SRSF11: variants seen among roughly 807,000 people sequenced by gnomAD.
SRSF11 encodes serine/arginine-rich splicing factor 11.
A neutral mutation model predicts 56.0 loss-of-function variants in SRSF11; 9 were observed. The ratio of observed to expected loss-of-function variants is 0.16; its 90% CI spans 0.10 to 0.28. The LOEUF is 0.28. SRSF11 is among the 10% of genes least tolerant of loss of function. SRSF11 has a pLI of 1.00. For synonymous variants in SRSF11, 222 were observed against 215.3 expected (o/e 1.03, Z -0.27); for missense variants, 421 against 600.7 (o/e 0.70, Z 3.13).
At chr1:70,218,136 G>GT (rs1193748192), upstream of SRSF11, among the ~76,000 whole-genome samples, 1 of 151,918 alleles carries the variant, frequency 6.6e-6, no homozygotes, top group Non-Finnish European at 1.5e-5. Context: ...AGCTAATTTT[G>GT]TTTTTGTATT....
chr1:70,240,248 A>G (rs888517350), intron 7 of SRSF11, among the ~76,000 whole-genome samples: 1 of 152,208 alleles, frequency 6.6e-6, no homozygotes, highest in Non-Finnish European at 1.5e-5. Context: ...CTGAAGGGGG[A>G]TTTAATAAAA....
At chr1:70,232,085 T>C (rs760374050) in intron 2 of SRSF11, 183 bp from the exon 3 acceptor site, 1 of 1,542,530 alleles carries the variant, frequency 6.5e-7, no homozygotes, top group South Asian at 1.2e-5. Flanking sequence ...TTTTCACACA[T>C]TGAAGTTCAT....
chr1:70,230,370 C>T (rs1672612900), intron 2 of SRSF11: 1 of 1,076,124 alleles, frequency 9.3e-7, no homozygotes, highest in African/African-American at 1.7e-5. Flanking sequence ...GGTGTTAGCT[C>T]TTGGTCAGTG....
intron 1 of SRSF11, among the ~76,000 whole-genome samples, chr1:70,226,784 A>G (rs1044193563): frequency 2.0e-5 from 3 of 152,192 alleles, no homozygotes; most frequent in African/African-American, 4.8e-5. Flanking sequence ...AGCCCCATCT[A>G]TTGGGGAAGC....
rs1677975618 is a variant in SRSF11 at position 70,251,699 on chromosome 1, G to A, written c.*894G>A. The stretch of plus-strand genomic sequence containing the variant: ...TTTTAAGCTCCGTGTTGGAAAAAAG[G>A]GGTAGTGCATTTTAAATTGACCTTC... On this transcript the variant is annotated 3_prime_UTR_variant, in exon 12 of 12. Transcript: ENST00000370949. 1 of 152,474 alleles carries A rather than the reference G, an allele frequency of 6.6e-6. No individual in the cohort carries two copies. The highest frequency in any genetic ancestry group is 6.6e-5 in the Admixed American group (1 of 15,260). The allele number at this position is 152,474 out of a possible 1,614,324, so 9.4% of individuals were successfully genotyped here.
At chr1:70,232,162 T>C in intron 2 of SRSF11, 106 bp from the exon 3 acceptor site, 1 of 1,582,210 alleles carries the variant, frequency 6.3e-7, no homozygotes, top group Non-Finnish European at 8.6e-7. Context: ...ACATAAGTAC[T>C]TTCAACAAAC....
chr1:70,250,184 T>A, intron 10 of SRSF11, 137 bp downstream of exon 10: 1 of 1,258,204 alleles, frequency 7.9e-7, no homozygotes, highest in Non-Finnish European at 1.1e-6. Context: ...GACTTGTGAC[T>A]TAAACACCAT....
At position 70,237,430 on chromosome 1, in the gene SRSF11, A is replaced by G; in HGVS notation, c.596A>G (p.Asn199Ser). Residue 199 changes from asparagine (N) to serine (S), a missense_variant, in exon 6 of 12, where the codon AAT (asparagine) becomes AGT (serine). Asn to Ser is a conservative substitution (Grantham distance 46). This residue lies in a region of SRSF11 where 168 missense variants were observed against 294.9 expected (regional missense o/e 0.57). Coordinates refer to ENST00000370949, the MANE Select transcript of SRSF11 (RefSeq NM_001350605.2). Reference sequence around the variant, plus strand: ...ATTTCTTGGTTCTGTTTCAGGTTGAATCATGTAGCTGCTGGTCTCGTTTCA... The same window carrying G: ...ATTTCTTGGTTCTGTTTCAGGTTGAGTCATGTAGCTGCTGGTCTCGTTTCA... ...KLMSTVDPKLNHVAAGLVSPS... is the reference protein window; with the variant it reads ...KLMSTVDPKLSHVAAGLVSPS... 6.2e-7 allele frequency: 1 copy of G among 1,613,056 alleles called. No homozygotes were observed. Among genetic ancestry groups the G allele is most frequent in the South Asian group, 1.1e-5 (1 of 90,774 alleles).
intron 6 of SRSF11, 74 bp from the exon 7 acceptor site, chr1:70,239,365 T>G (rs759368998): frequency 2.0e-6 from 2 of 1,023,240 alleles, no homozygotes; most frequent in Non-Finnish European, 2.9e-6. Flanking sequence ...GTGCTGTGAT[T>G]ACAGGCATGA....
At chr1:70,233,079 G>T (rs1673171458) in intron 3 of SRSF11, among the ~76,000 whole-genome samples, 1 of 152,106 alleles carries the variant, frequency 6.6e-6, no homozygotes. Flanking sequence ...ACTGTGAAGT[G>T]CACTATAGAA....
Position 70,221,691 on chromosome 1 carries a change from C to A in SRSF11, c.55C>A (p.Pro19Thr). The A allele has an allele frequency of 6.2e-7, 1 of 1,612,372 alleles. No homozygotes were observed. The change falls in exon 1 of 12, where the codon CCC (proline) becomes ACC (threonine). Residue 19 changes from proline to threonine, a missense_variant. Physicochemically the swap from Pro to Thr is conservative, Grantham distance 38. Transcript: ENST00000370949. ...STAGPGPSGG[P>T]GGGGGGGGGG... ...TGCAGGTCCGGGCCCCAGCGGCGGG[C>A]CCGGTGGCGGAGGTGGTGGTGGCGG...
intron 2 of SRSF11, chr1:70,229,351 T>C: frequency 8.3e-7 from 1 of 1,207,626 alleles, no homozygotes; most frequent in Non-Finnish European, 1.1e-6. Flanking sequence ...ATTTGTTAAC[T>C]ACATTTTCTC....
chr1:70,213,816 C>T (rs1253058914), intron 1 of SRSF11, among the ~76,000 whole-genome samples: 6 of 152,116 alleles, frequency 3.9e-5, no homozygotes, highest in Non-Finnish European at 7.4e-5. Context: ...AGCTGAAGTT[C>T]ACACAATTAT....
At chr1:70,227,758 G>A (rs1423553878) in intron 1 of SRSF11, among the ~76,000 whole-genome samples, 2 of 152,150 alleles carry the variant, frequency 1.3e-5, no homozygotes, top group East Asian at 1.9e-4. Context: ...AATTTGTTGA[G>A]GGAACTAGCC....
In SRSF11 at chr1:70,221,738, A is replaced by C; in HGVS notation, c.102A>C (p.Val34=). ...GCGGCGGAGGCGGCGGCACCGAGGT[A>C]ATCCAGGTGACTAATGTCTCCCCGA... ...GGGGGGGGTE[V]IQVTNVSPSA... The change falls in exon 1 of 12, where the codon GTA becomes GTC. Residue 34 remains valine (V), a synonymous_variant. Transcript: ENST00000370949. 1 of 1,614,066 alleles carries C rather than the reference A, an allele frequency of 6.2e-7. No homozygotes were observed. The highest frequency in any genetic ancestry group is 8.5e-7 in the Non-Finnish European group (1 of 1,179,996).
chr1:70,235,983 C>A (rs1178924084), intron 5 of SRSF11, among the ~76,000 whole-genome samples: 1 of 152,154 alleles, frequency 6.6e-6, no homozygotes, highest in African/African-American at 2.4e-5. Context: ...GAAATTGTTT[C>A]CGACTTGATG....
rs377434872 is a variant in SRSF11 at position 70,242,472 on chromosome 1, C to CTTTTTTTTTTTT, written c.801-2202_801-2201insTTTTTTTTTTTT. 7.6e-3 allele frequency among the ~76,000 whole-genome samples: 1,057 copies of CTTTTTTTTTTTT among 139,272 alleles called. 22 individuals carry two copies. The highest frequency in any genetic ancestry group is 0.023 in the African/African-American group (851 of 36,962). 91.4% of individuals were successfully genotyped at this position (139,272 alleles called of 152,430 possible). A position where few individuals can be genotyped will look rare whatever the true frequency, so the allele number is the denominator to read the frequency against. On this transcript the variant is annotated intron_variant, in intron 7 of 11. Coordinates refer to ENST00000370949, the MANE Select transcript of SRSF11 (RefSeq NM_001350605.2). ...CACCACACCTGGCTAATTTTTGCAC[C>CTTTTTTTTTTTT]TTTTTTTTTTATGTAGAGACAGGGT...
At chr1:70,243,580 T>G (rs1676046868) in intron 7 of SRSF11, among the ~76,000 whole-genome samples, 1 of 152,086 alleles carries the variant, frequency 6.6e-6, no homozygotes. Flanking sequence ...GGCTTATAAA[T>G]GAGAGTTTAA....
intron 6 of SRSF11, 95 bp downstream of exon 6, chr1:70,237,647 A>C: frequency 1.3e-6 from 2 of 1,501,408 alleles, no homozygotes; most frequent in Non-Finnish European, 1.8e-6. Context: ...CTAGTCGTTT[A>C]AAATGTTGTA....
Sources: gnomAD v4.1 joint callset for allele counts (sites outside exome capture counted in the v4.1 genomes callset) on GRCh38, gnomAD v4.1.1 for gene constraint, gnomAD v4.1.1 regional missense constraint, MANE v1.5 for transcripts, NCBI Gene and HGNC (gene_info 2026-07-23, HGNC 2026-07-21) for gene names.